The following PCBP3 variants were observed in gnomAD, a reference collection of about 807,000 sequenced individuals.
The protein encoded by PCBP3 is poly(rC) binding protein 3.
PCBP3 carries 25 observed loss-of-function variants against 52.7 expected under a neutral mutation model. The ratio of observed to expected loss-of-function variants is 0.47; its 90% CI spans 0.35 to 0.66. The LOEUF (loss-of-function observed/expected upper bound fraction) is 0.66. Ranked by LOEUF, PCBP3 falls within the 30% of genes least tolerant of loss-of-function variation. The probability of loss-of-function intolerance (pLI) is 0.01; values close to 1 mark genes in which losing one functional copy is unlikely to be tolerated. For synonymous variants in PCBP3, 162 were observed against 183.0 expected, an observed-to-expected ratio of 0.89 and a Z score of 0.93; for missense variants, 391 against 490.3, an observed-to-expected ratio of 0.80 and a Z score of 1.91.
At chr21:45,814,639 T>G (rs1280285689) in intron 4 of PCBP3, among the ~76,000 whole-genome samples, 33 of 41,538 alleles carry the variant, frequency 7.9e-4, no homozygotes, top group South Asian at 2.3e-3. Flanking sequence ...TGGTGAGTGG[T>G]GAGTGAGTGG....
intron 2 of PCBP3, among the ~76,000 whole-genome samples, chr21:45,715,640 C>T (rs2084164519): frequency 6.6e-6 from 1 of 152,152 alleles, no homozygotes; most frequent in Non-Finnish European, 1.5e-5. Flanking sequence ...TCTTCACCAG[C>T]ACTTGTTATT....
chr21:45,940,026 C>G lies in PCBP3; in HGVS notation c.910-4C>G. The G allele has an allele frequency of 1.9e-6, 3 of 1,612,162 alleles. No individual in the cohort carries two copies. Among genetic ancestry groups the G allele is most frequent in the African/African-American group, 1.3e-5 (1 of 75,024 alleles). On this transcript the variant is annotated splice_polypyrimidine_tract_variant and splice_region_variant and intron_variant, in intron 16 of 17. Coordinates refer to ENST00000681687, the MANE Select transcript of PCBP3 (RefSeq NM_001384156.1). Reference sequence around the variant, plus strand: ...CTAAGAAATCCCCCCGTCCTTGTTTCTAGCTAATAGGCTGCATAATTGGAC... The same window carrying G: ...CTAAGAAATCCCCCCGTCCTTGTTTGTAGCTAATAGGCTGCATAATTGGAC...
rs368104928 is a variant in PCBP3, at chr21:45,911,044, G to C, written c.600+14G>C. On this transcript the variant is annotated intron_variant, in intron 11 of 17. Transcript: ENST00000681687. The stretch of plus-strand genomic sequence containing the variant: ...GTCATGCTGGAGGTACCGTCTGCGC[G>C]CCAGGGCCAGCCCACGTCAGTGCTG... The C allele has an allele frequency of 3.7e-6, 6 of 1,606,588 alleles. No homozygotes were observed. The highest frequency in any genetic ancestry group is 4.5e-5 in the East Asian group (2 of 44,870).
chr21:45,646,872 T>C (rs1203849742), intron 1 of PCBP3, among the ~76,000 whole-genome samples: 1 of 152,252 alleles, frequency 6.6e-6, no homozygotes, highest in Non-Finnish European at 1.5e-5. Flanking sequence ...TCTCAGCCTT[T>C]CCTGGCGATG....
chr21:45,791,609 A>G lies in PCBP3; in HGVS notation c.-126+36157A>G, dbSNP rs1332652890. Among the ~76,000 whole-genome samples, 2 of 152,242 alleles carry G rather than the reference A, an allele frequency of 1.3e-5. No homozygotes were observed. On this transcript the variant is annotated intron_variant, in intron 4 of 17. Transcript: ENST00000681687. The surrounding 1 kb of genome is among the most constrained non-coding windows in gnomAD (Gnocchi z 4.2). ...AACAGCCGGAAGGCAGGTGGCCGCC[A>G]ACAACTTTCTTTTTCCAGTTGGTGG...
intron 2 of PCBP3, among the ~76,000 whole-genome samples, chr21:45,669,805 GTATATATATA>G (rs773020402): frequency 0.19 from 9,462 of 49,742 alleles, 671 homozygotes; most frequent in Middle Eastern, 0.31. Context: ...GTGTGTGTGT[GTATATATATA>G]TATATATATA....
intron 2 of PCBP3, among the ~76,000 whole-genome samples, chr21:45,701,149 C>T (rs989354951): frequency 3.3e-5 from 5 of 152,240 alleles, no homozygotes; most frequent in African/African-American, 1.2e-4. Context: ...ATCCATCACA[C>T]AGTTTCCTTC....
chr21:45,883,118 T>A (rs1603464723), intron 5 of PCBP3, among the ~76,000 whole-genome samples: 1 of 152,364 alleles, frequency 6.6e-6, no homozygotes, highest in South Asian at 2.1e-4. Context: ...CAGGTCAATG[T>A]GTTTTTTGAT....
chr21:45,767,124 T>A (rs1353884268), intron 4 of PCBP3, among the ~76,000 whole-genome samples: 1 of 152,190 alleles, frequency 6.6e-6, no homozygotes, highest in African/African-American at 2.4e-5. Flanking sequence ...GAGCACAGTC[T>A]TCATGCTACG....
rs2839045 is a variant in PCBP3, at chr21:45,904,014, T to C, written c.339+2901T>C. Among the ~76,000 whole-genome samples, 1 of 152,020 alleles carries C rather than the reference T, an allele frequency of 6.6e-6. No individual in the cohort carries two copies. Among genetic ancestry groups the C allele is most frequent in the African/African-American group, 2.4e-5 (1 of 41,396 alleles). ...TACTTGTAAGACCCCTTGCAATGAG[T>C]TTAGAGAAACAGATTTTCTCTGACG... On this transcript the variant is annotated intron_variant, in intron 9 of 17. Coordinates refer to ENST00000681687, the MANE Select transcript of PCBP3 (RefSeq NM_001384156.1). This position sits in a 1 kb window ranked among gnomAD's most constrained non-coding sequence, Gnocchi z 4.8.
intron 2 of PCBP3, among the ~76,000 whole-genome samples, chr21:45,693,324 A>G (rs1448587786): frequency 6.6e-6 from 1 of 152,168 alleles, no homozygotes; most frequent in Non-Finnish European, 1.5e-5. Flanking sequence ...CTGAAAGAAG[A>G]CAGACATAAA....
intron 3 of PCBP3, among the ~76,000 whole-genome samples, chr21:45,752,684 C>T (rs567103426): frequency 4.0e-4 from 60 of 151,826 alleles, no homozygotes; most frequent in Middle Eastern, 6.8e-3. Context: ...GCATTGTGGA[C>T]CAGGTGATCT....
In PCBP3 at chr21:45,926,470, A is replaced by T. The variant is rs143403412; in HGVS notation, c.718-3447A>T. Reference sequence around the variant, plus strand: ...GCAGGTCCCGCAGGAGGTGTCCAGAAGGAGGCACTGTGATCATCGGAGATG... The same window carrying T: ...GCAGGTCCCGCAGGAGGTGTCCAGATGGAGGCACTGTGATCATCGGAGATG... On this transcript the variant is annotated intron_variant, in intron 13 of 17. Coordinates refer to ENST00000681687, the MANE Select transcript of PCBP3 (RefSeq NM_001384156.1). Among the ~76,000 whole-genome samples, 24 of 152,366 alleles carry T rather than the reference A, an allele frequency of 1.6e-4. No individual in the cohort carries two copies. In the East Asian group the frequency reaches 4.6e-3, roughly 29 times the overall value.
chr21:45,819,605 C>T (rs1368612108), intron 4 of PCBP3, among the ~76,000 whole-genome samples: 5 of 152,244 alleles, frequency 3.3e-5, no homozygotes, highest in African/African-American at 9.6e-5. Context: ...AAACCGCCCA[C>T]GCAGCCCTGA....
intron 1 of PCBP3, among the ~76,000 whole-genome samples, chr21:45,655,299 A>G (rs2079944061): frequency 6.6e-6 from 1 of 151,914 alleles, no homozygotes; most frequent in African/African-American, 2.4e-5. Context: ...AAGATGCTGC[A>G]ACATCTTCGG....
chr21:45,707,052 T>C (rs1941784832), intron 2 of PCBP3, among the ~76,000 whole-genome samples: 1 of 152,220 alleles, frequency 6.6e-6, no homozygotes, highest in Non-Finnish European at 1.5e-5. Flanking sequence ...CTCTTCATGC[T>C]GACTGAGTGT....
intron 10 of PCBP3, among the ~76,000 whole-genome samples, chr21:45,909,880 GCCACCCACTGCCCAGATACAGACCCGGC>G (rs1556308729): frequency 6.2e-4 from 23 of 37,346 alleles, no homozygotes; most frequent in African/African-American, 2.0e-3. Flanking sequence ...TACGGACCCG[GCCACCCACTGCCCAGATACAGACCCGGC>G]CCACCCACTG....
Position 45,904,374 on chromosome 21 carries a change from G to A in PCBP3, c.339+3261G>A, listed in dbSNP as rs1014155692. On this transcript the variant is annotated intron_variant, in intron 9 of 17. Coordinates refer to ENST00000681687, the MANE Select transcript of PCBP3 (RefSeq NM_001384156.1). The surrounding 1 kb of genome is among the most constrained non-coding windows in gnomAD (Gnocchi z 4.8). Reference sequence around the variant, plus strand: ...AAGACTGTGGATGCTCAGGAAGCTCGAGGGATTTGGAGTTTTCATCTTTTG... The same window carrying A: ...AAGACTGTGGATGCTCAGGAAGCTCAAGGGATTTGGAGTTTTCATCTTTTG... Among the ~76,000 whole-genome samples, 3 of 152,036 alleles carry A rather than the reference G, an allele frequency of 2.0e-5. No homozygotes were observed. The highest frequency in any genetic ancestry group is 2.9e-5 in the Non-Finnish European group (2 of 68,014).
chr21:45,661,100 A>G (rs1243874114), intron 1 of PCBP3, among the ~76,000 whole-genome samples: 2 of 152,164 alleles, frequency 1.3e-5, no homozygotes, highest in African/African-American at 2.4e-5. Context: ...ATTTGTAATT[A>G]CTGGCTTTTA....
Sources: gnomAD v4.1 joint callset for allele counts (sites outside exome capture counted in the v4.1 genomes callset) on GRCh38, gnomAD v4.1.1 for gene constraint, Gnocchi (gnomAD v3.1) non-coding constraint, MANE v1.5 for transcripts, NCBI Gene and HGNC (gene_info 2026-07-23, HGNC 2026-07-21) for gene names.